The following HOXC13 variants were observed in gnomAD, a reference collection of about 807,000 sequenced individuals.
The protein encoded by HOXC13 is homeobox protein Hox-C13.
In HOXC13, 10 loss-of-function variants were observed where a neutral mutation model predicts 25.9. The ratio of observed to expected loss-of-function variants is 0.39; its 90% CI spans 0.24 to 0.65. The LOEUF (loss-of-function observed/expected upper bound fraction) is 0.65. Ranked by LOEUF, HOXC13 falls within the 30% of genes least tolerant of loss-of-function variation. The pLI is 0.50. For missense variants in HOXC13, 439 were observed against 478.3 expected (o/e 0.92, Z 0.77); for synonymous variants, 233 against 217.1 (o/e 1.07, Z -0.64).
intron 1 of HOXC13, among the ~76,000 whole-genome samples, chr12:53,941,713 G>A (rs1938613120): frequency 5.9e-5 from 9 of 152,206 alleles, no homozygotes; most frequent in Admixed American, 5.9e-4. Flanking sequence ...CATGGAAATG[G>A]ATATAAAACC....
chr12:53,939,136 T>G lies in HOXC13; in HGVS notation c.230T>G (p.Val77Gly). The part of the protein sequence containing the change: ...SHCRDLLPHP[V>G]LGRPPAPLGA... The stretch of plus-strand genomic sequence containing the variant: ...TGCCGCGACCTGCTTCCGCACCCCG[T>G]GCTGGGCCGCCCGCCGGCTCCCCTG... Residue 77 changes from valine to glycine, a missense_variant, in exon 1 of 2, where the codon GTG (valine) becomes GGG (glycine). Val to Gly is a moderately radical substitution (Grantham distance 109). Coordinates refer to ENST00000243056, the MANE Select transcript of HOXC13 (RefSeq NM_017410.3). This position sits in a 1 kb window ranked among gnomAD's most constrained non-coding sequence, Gnocchi z 6.7. 6.8e-7 allele frequency: 1 copy of G among 1,474,352 alleles called. No individual in the cohort carries two copies. Among genetic ancestry groups the G allele is most frequent in the Non-Finnish European group, 8.9e-7 (1 of 1,123,718 alleles). 91.3% of individuals were successfully genotyped at this position (1,474,352 alleles called of 1,614,324 possible).
Position 53,945,797 on chromosome 12 carries a change from A to C in HOXC13, c.*541A>C. The C allele has an allele frequency of 4.2e-6, 1 of 240,228 alleles. No individual in the cohort carries two copies. The highest frequency in any genetic ancestry group is 8.3e-6 in the Non-Finnish European group (1 of 121,068). The allele number at this position is 240,228 out of a possible 1,614,324, so 14.9% of individuals were successfully genotyped here. On this transcript the variant is annotated 3_prime_UTR_variant, in exon 2 of 2. Transcript: ENST00000243056. This position sits in a 1 kb window ranked among gnomAD's most constrained non-coding sequence, Gnocchi z 4.4. ...CTGTGCGTATTTTAAAAGTCGTGTT[A>C]ATACTCATGATAATTATTAGGGACC...
intron 1 of HOXC13, among the ~76,000 whole-genome samples, chr12:53,942,722 GGGCT>G (rs1938632856): frequency 6.6e-6 from 1 of 152,142 alleles, no homozygotes; most frequent in East Asian, 1.9e-4. Flanking sequence ...CAAAGAAAGG[GGGCT>G]TCTTTGAGAA....
Position 53,939,697 on chromosome 12 carries a change from G to A in HOXC13, c.736+55G>A, listed in dbSNP as rs987772894. 12 of 1,289,812 alleles carry A rather than the reference G, an allele frequency of 9.3e-6. No individual in the cohort carries two copies. Among genetic ancestry groups the A allele is most frequent in the African/African-American group, 9.3e-5 (6 of 64,734 alleles). 79.9% of individuals were successfully genotyped at this position (1,289,812 alleles called of 1,614,324 possible). A position where few individuals can be genotyped will look rare whatever the true frequency, so the allele number is the denominator to read the frequency against. ...CCGGGGACCCCTCCCCGCCCTGCCTGCCCCGGGGCTCCGCGCCCCAACCAC... is the reference window on the plus strand; with the variant it reads ...CCGGGGACCCCTCCCCGCCCTGCCTACCCCGGGGCTCCGCGCCCCAACCAC... On this transcript the variant is annotated intron_variant, in intron 1 of 1. Transcript: ENST00000243056. The surrounding 1 kb of genome is among the most constrained non-coding windows in gnomAD (Gnocchi z 6.7).
chr12:53,945,335 G>A lies in HOXC13; in HGVS notation c.*79G>A, dbSNP rs1029976201. The A allele has an allele frequency of 6.6e-7, 1 of 1,526,340 alleles. No homozygotes were observed. The highest frequency in any genetic ancestry group is 9.0e-7 in the Non-Finnish European group (1 of 1,114,118). The allele number at this position is 1,526,340 out of a possible 1,614,324, so 94.5% of individuals were successfully genotyped here. ...CGAACCCACGGAAAGACGCTGCGCG[G>A]GTGCAGAAGAGTATTTAATGTTAAG... On this transcript the variant is annotated 3_prime_UTR_variant, in exon 2 of 2. Coordinates refer to ENST00000243056, the MANE Select transcript of HOXC13 (RefSeq NM_017410.3). The surrounding 1 kb of genome is among the most constrained non-coding windows in gnomAD (Gnocchi z 4.4).
chr12:53,939,026 C>T lies in HOXC13; in HGVS notation c.120C>T (p.Gly40=), dbSNP rs1051950682. Residue 40 remains glycine (G), a synonymous_variant, in exon 1 of 2, where the codon GGC becomes GGT. Transcript: ENST00000243056. The surrounding 1 kb of genome is among the most constrained non-coding windows in gnomAD (Gnocchi z 6.7). Reference sequence around the variant, plus strand: ...GCGGAGGAGGAGGCGGCGGCACGGGCGGAGCGGGGGGTGGCTGCAGCGGAG... The same window carrying T: ...GCGGAGGAGGAGGCGGCGGCACGGGTGGAGCGGGGGGTGGCTGCAGCGGAG... ...GGGGGGGGGT[G]GAGGGCSGAS... is the part of the protein sequence containing the mutation. 1.4e-6 allele frequency: 2 copies of T among 1,478,852 alleles called. No homozygotes were observed. Among genetic ancestry groups the T allele is most frequent in the Non-Finnish European group, 1.8e-6 (2 of 1,121,598 alleles). 91.6% of individuals were successfully genotyped at this position (1,478,852 alleles called of 1,614,324 possible). A position where few individuals can be genotyped will look rare whatever the true frequency, so the allele number is the denominator to read the frequency against.
chr12:53,941,065 GA>G (rs1287124185), intron 1 of HOXC13, among the ~76,000 whole-genome samples: 7 of 152,038 alleles, frequency 4.6e-5, no homozygotes, highest in African/African-American at 1.7e-4. Flanking sequence ...TAGGCACCCT[GA>G]CTTCTGATTG....
At chr12:53,940,634 C>T (rs533850191) in intron 1 of HOXC13, among the ~76,000 whole-genome samples, 158 of 152,330 alleles carry the variant, frequency 1.0e-3, no homozygotes, top group Non-Finnish European at 1.6e-3. Context: ...TTTCCCAAAA[C>T]CACACCAAGA....
chr12:53,940,888 C>G (rs1271658569), intron 1 of HOXC13, among the ~76,000 whole-genome samples: 1 of 152,080 alleles, frequency 6.6e-6, no homozygotes, highest in Admixed American at 6.5e-5. Flanking sequence ...ACCCAAAGAC[C>G]TCCTAAGGGT....
chr12:53,946,238 G>A lies in HOXC13; in HGVS notation c.*982G>A, dbSNP rs1938691653. ...ACTTTCACCTTTACTGATTTCCAGA[G>A]GAAAGCTAGAGGATCTAGTTCAAGA... is the stretch of plus-strand genomic sequence containing the variant. On this transcript the variant is annotated 3_prime_UTR_variant, in exon 2 of 2. Coordinates refer to ENST00000243056, the MANE Select transcript of HOXC13 (RefSeq NM_017410.3). 8.8e-6 allele frequency: 2 copies of A among 228,482 alleles called. No individual in the cohort carries two copies. Among genetic ancestry groups the A allele is most frequent in the Non-Finnish European group, 1.7e-5 (2 of 114,830 alleles). The allele number at this position is 228,482 out of a possible 1,614,324, so 14.2% of individuals were successfully genotyped here. A position where few individuals can be genotyped will look rare whatever the true frequency, so the allele number is the denominator to read the frequency against.
At chr12:53,943,035 TA>T (rs1270631821) in intron 1 of HOXC13, among the ~76,000 whole-genome samples, 2 of 152,242 alleles carry the variant, frequency 1.3e-5, no homozygotes, top group African/African-American at 4.8e-5. Flanking sequence ...TACCCTACTG[TA>T]TTCTTCTCCA....
intron 1 of HOXC13, among the ~76,000 whole-genome samples, chr12:53,943,720 G>A (rs1458403592): frequency 6.6e-6 from 1 of 152,218 alleles, no homozygotes; most frequent in Admixed American, 6.5e-5. Flanking sequence ...TGTTCTGTGA[G>A]GGTGGGATGG....
At chr12:53,944,468 T>C (rs907829607) in intron 1 of HOXC13, among the ~76,000 whole-genome samples, 1 of 152,174 alleles carries the variant, frequency 6.6e-6, no homozygotes, top group African/African-American at 2.4e-5. Flanking sequence ...TGTCTTCCTC[T>C]GGCAACGGGG....
chr12:53,939,586 T>A lies in HOXC13; in HGVS notation c.680T>A (p.Val227Glu). ...CTCTCCAATGGCTGGGACAGTCAGG[T>A]GTACTGCTCCAAGGAGCAGTCGCAG... ...WALSNGWDSQ[V>E]YCSKEQSQSA... The change falls in exon 1 of 2, where the codon GTG becomes GAG. Residue 227 changes from valine to glutamate, a missense_variant. Coordinates refer to ENST00000243056, the MANE Select transcript of HOXC13 (RefSeq NM_017410.3). This position sits in a 1 kb window ranked among gnomAD's most constrained non-coding sequence, Gnocchi z 6.7. The A allele has an allele frequency of 6.2e-7, 1 of 1,602,868 alleles. No homozygotes were observed. Among genetic ancestry groups the A allele is most frequent in the Non-Finnish European group, 8.5e-7 (1 of 1,174,162 alleles).
intron 1 of HOXC13, among the ~76,000 whole-genome samples, chr12:53,943,850 A>G (rs1049780879): frequency 1.3e-5 from 2 of 152,214 alleles, no homozygotes; most frequent in Admixed American, 6.5e-5. Flanking sequence ...GCTTTCACCT[A>G]AAGTCTAATA....
At chr12:53,943,458 A>G (rs1464893257) in intron 1 of HOXC13, among the ~76,000 whole-genome samples, 9 of 152,238 alleles carry the variant, frequency 5.9e-5, no homozygotes, top group Non-Finnish European at 4.4e-5. Flanking sequence ...CTGTTTAAAT[A>G]AAGTTATTTT....
chr12:53,944,747 T>A (rs930265314), intron 1 of HOXC13, among the ~76,000 whole-genome samples: 4 of 152,224 alleles, frequency 2.6e-5, no homozygotes, highest in Admixed American at 1.3e-4. Flanking sequence ...TTTTTAAACA[T>A]TGCATTAAAA....
Position 53,945,056 on chromosome 12 carries a change from G to T in HOXC13, c.793G>T (p.Val265Leu), listed in dbSNP as rs904690705. The T allele has an allele frequency of 1.2e-6, 2 of 1,613,954 alleles. No individual in the cohort carries two copies. The highest frequency in any genetic ancestry group is 1.7e-6 in the Non-Finnish European group (2 of 1,180,002). The change falls in exon 2 of 2, where the codon GTG (valine) becomes TTG (leucine). Residue 265 changes from valine (V) to leucine (L), a missense_variant. By Grantham distance (32) the Val-to-Leu change is conservative (BLOSUM62 1). Transcript: ENST00000243056. This position sits in a 1 kb window ranked among gnomAD's most constrained non-coding sequence, Gnocchi z 4.4. Reference protein sequence around the residue: ...SSYRRGRKKRVPYTKVQLKEL... With the variant: ...SSYRRGRKKRLPYTKVQLKEL... ...CTACCGGCGCGGGCGCAAGAAACGC[G>T]TGCCCTACACTAAGGTGCAGCTGAA...
rs1363259595 is a variant in HOXC13, at chr12:53,939,776, CCGGG to C, written c.736+137_736+140del. On this transcript the variant is annotated intron_variant, in intron 1 of 1. Coordinates refer to ENST00000243056, the MANE Select transcript of HOXC13 (RefSeq NM_017410.3). This position sits in a 1 kb window ranked among gnomAD's most constrained non-coding sequence, Gnocchi z 6.7. ...TCGGCTGGGCTGCCTATGGAGCCGGCCGGGCGAGCTGCACTGAGGAATGCGCCGG... is the reference window on the plus strand; with the variant it reads ...TCGGCTGGGCTGCCTATGGAGCCGGCCGAGCTGCACTGAGGAATGCGCCGG... 24 of 1,132,214 alleles carry C rather than the reference CCGGG, an allele frequency of 2.1e-5. No homozygotes were observed. The South Asian group carries it at 9.5e-4, about 45-fold the overall frequency. The allele number at this position is 1,132,214 out of a possible 1,614,324, so 70.1% of individuals were successfully genotyped here.
Sources: gnomAD v4.1 joint callset for allele counts (sites outside exome capture counted in the v4.1 genomes callset) on GRCh38, gnomAD v4.1.1 for gene constraint, Gnocchi (gnomAD v3.1) non-coding constraint, MANE v1.5 for transcripts, NCBI Gene and HGNC (gene_info 2026-07-23, HGNC 2026-07-21) for gene names.